Variants in CLCN7 observed in about 807,000 individuals in gnomAD.
The protein encoded by CLCN7 is H(+)/Cl(-) exchange transporter 7.
In CLCN7, 60 loss-of-function variants were observed where a neutral mutation model predicts 102.1. The ratio of observed to expected loss-of-function variants is 0.59; its 90% confidence interval spans 0.48 to 0.73. The LOEUF is 0.73. Among genes scored for constraint, CLCN7 ranks in the 30% least tolerant of loss-of-function variants. The pLI, the probability that CLCN7 is intolerant of heterozygous loss-of-function variation, is 0.00. For missense variants in CLCN7, 962 were observed against 1,125.7 expected (o/e 0.85, Z 2.08); for synonymous variants, 560 against 490.5 (o/e 1.14, Z -1.87).
In CLCN7 at chr16:1,449,282, G is replaced by A. The variant is rs121434432; in HGVS notation, c.1663C>T (p.Gln555Ter). The A allele has an allele frequency of 6.3e-7, 1 of 1,586,166 alleles. No homozygotes were observed. The highest frequency in any genetic ancestry group is 1.3e-5 in the African/African-American group (1 of 74,460). The change falls in exon 18 of 25, where the codon CAG (glutamine) becomes TAG (stop). Residue 555 changes from glutamine to a stop codon, truncating the protein, a stop_gained. Coordinates refer to ENST00000382745, the MANE Select transcript of CLCN7 (RefSeq NM_001287.6). LOFTEE classifies it high-confidence loss of function. Reference sequence around the variant, plus strand: ...GGCAAGAGCTGGGACATACCCAGCTGGGCAGCAGCTCCCATCAGGGCGTAT... The same window carrying A: ...GGCAAGAGCTGGGACATACCCAGCTAGGCAGCAGCTCCCATCAGGGCGTAT... ...GKYALMGAAAQLGGIVRMTLS... is the reference protein window; with the variant it reads ...GKYALMGAAA
rs35436553 is a variant in CLCN7 at position 1,460,706 on chromosome 16, C to T, written c.484+110G>A. 2.3e-5 allele frequency: 35 copies of T among 1,538,876 alleles called. No individual in the cohort carries two copies. In the African/African-American group the frequency reaches 3.5e-4, roughly 16 times the overall value. Reference sequence around the variant, plus strand: ...ATGACAGGGACACAGCCAGCCTGGCCGGGCCGCCTCCACCTGCACTGGAAC... The same window carrying T: ...ATGACAGGGACACAGCCAGCCTGGCTGGGCCGCCTCCACCTGCACTGGAAC... On this transcript the variant is annotated intron_variant, in intron 5 of 24. Coordinates refer to ENST00000382745, the MANE Select transcript of CLCN7 (RefSeq NM_001287.6).
chr16:1,456,939 CAAAT>C (rs1207090527), intron 9 of CLCN7, among the ~76,000 whole-genome samples: 3 of 151,984 alleles, frequency 2.0e-5, no homozygotes, highest in African/African-American at 7.3e-5. Context: ...TGTGTCTTGA[CAAAT>C]AAACAACAGG....
intron 2 of CLCN7, among the ~76,000 whole-genome samples, chr16:1,462,887 G>A (rs766213343): frequency 1.5e-4 from 23 of 152,076 alleles, no homozygotes; most frequent in East Asian, 7.7e-4. Flanking sequence ...TGGGCCGGGC[G>A]CAATGGCTGA....
intron 11 of CLCN7, 97 bp downstream of exon 11, chr16:1,455,634 C>T (rs888715004): frequency 2.1e-5 from 27 of 1,313,232 alleles, no homozygotes; most frequent in Non-Finnish European, 2.9e-5. Flanking sequence ...CCAGCTCCAG[C>T]CGCAGCTCGA....
intron 1 of CLCN7, among the ~76,000 whole-genome samples, chr16:1,471,460 G>A (rs557771972): frequency 1.2e-4 from 18 of 152,142 alleles, no homozygotes; most frequent in South Asian, 8.3e-4. Flanking sequence ...ACTGGGGTGC[G>A]CCTGAGCCTA....
intron 1 of CLCN7, among the ~76,000 whole-genome samples, chr16:1,469,101 G>A (rs970708271): frequency 3.3e-5 from 5 of 151,900 alleles, no homozygotes; most frequent in African/African-American, 1.2e-4. Context: ...AGCTACTCGG[G>A]AGGCTAAGGC....
At chr16:1,456,075 C>A (rs373779983) in intron 10 of CLCN7, 38 bp downstream of exon 10, 2 of 1,473,378 alleles carry the variant, frequency 1.4e-6, no homozygotes, top group South Asian at 1.2e-5. Context: ...ACACACAGGG[C>A]GAGGGCAAAG....
intron 1 of CLCN7, chr16:1,471,601 T>C (rs2039078575): frequency 6.6e-6 from 1 of 152,226 alleles, no homozygotes; most frequent in South Asian, 2.1e-4. Context: ...TTGCTGGTTT[T>C]AACACGACCG....
rs749183291 is a variant in CLCN7, at chr16:1,455,295, C to T, written c.982-45G>A. On this transcript the variant is annotated intron_variant, in intron 11 of 24. Transcript: ENST00000382745. ...ACCAGCGCCCTCAGAGCCACGCTCCCAGCCCAGGGCTCACGGACCAGCAGG... is the reference window on the plus strand; with the variant it reads ...ACCAGCGCCCTCAGAGCCACGCTCCTAGCCCAGGGCTCACGGACCAGCAGG... The T allele has an allele frequency of 5.3e-5, 65 of 1,223,798 alleles. No homozygotes were observed. In the South Asian group the frequency reaches 7.8e-4, roughly 15 times the overall value. The allele number at this position is 1,223,798 out of a possible 1,614,324, so 75.8% of individuals were successfully genotyped here.
At position 1,466,092 on chromosome 16, in the gene CLCN7, G is replaced by A. The variant is rs550911411; in HGVS notation, c.142-754C>T. Among the ~76,000 whole-genome samples the A allele has an allele frequency of 2.0e-5, 3 of 152,362 alleles. No homozygotes were observed. The South Asian group carries it at 6.2e-4, about 32-fold the overall frequency. ...CTCCTGAATCTTTAGCAACATCTGG[G>A]GACATGAAGGGAAGAAGGGCTGCCT... On this transcript the variant is annotated intron_variant, in intron 1 of 24. Transcript: ENST00000382745.
intron 23 of CLCN7, 139 bp from the exon 24 acceptor site, chr16:1,447,225 C>T: frequency 8.7e-7 from 1 of 1,154,776 alleles, no homozygotes. Flanking sequence ...CCAGCCCCCT[C>T]AGCCCCTTGA....
At chr16:1,469,125 G>A (rs35973002) in intron 1 of CLCN7, among the ~76,000 whole-genome samples, 9,930 of 151,796 alleles carry the variant, frequency 0.065, 416 homozygotes, top group Non-Finnish European at 0.095. Flanking sequence ...AGAACTGCTT[G>A]AACCCGGGAG....
rs555958217 is a variant in CLCN7 at position 1,450,373 on chromosome 16, C to T, written c.1617+124G>A. On this transcript the variant is annotated intron_variant, in intron 17 of 24. Coordinates refer to ENST00000382745, the MANE Select transcript of CLCN7 (RefSeq NM_001287.6). Reference sequence around the variant, plus strand: ...GTGAACCACGCGAGGACAACGCCCACGGCCCGTGAACCACGTGAGGTGCGA... The same window carrying T: ...GTGAACCACGCGAGGACAACGCCCATGGCCCGTGAACCACGTGAGGTGCGA... 1.7e-4 allele frequency: 177 copies of T among 1,028,164 alleles called. 1 individual carries two copies. In the South Asian group the frequency reaches 2.2e-3, roughly 13 times the overall value. The allele number at this position is 1,028,164 out of a possible 1,614,324, so 63.7% of individuals were successfully genotyped here.
intron 17 of CLCN7, chr16:1,449,723 G>C (rs1410414392): frequency 7.3e-6 from 2 of 275,528 alleles, no homozygotes; most frequent in Non-Finnish European, 1.4e-5. Context: ...GGGGCACGAG[G>C]GTCGGTGGGC....
intron 15 of CLCN7, chr16:1,452,121 G>T: frequency 3.2e-6 from 1 of 316,318 alleles, no homozygotes; most frequent in East Asian, 7.9e-5. Context: ...CAGCACAGGG[G>T]GTGTTATCCA....
At chr16:1,468,026 T>A (rs1006200820) in intron 1 of CLCN7, among the ~76,000 whole-genome samples, 1 of 151,962 alleles carries the variant, frequency 6.6e-6, no homozygotes, top group Non-Finnish European at 1.5e-5. Context: ...GAGGCTACAG[T>A]GAGCTATGGT....
intron 15 of CLCN7, chr16:1,452,141 A>G: frequency 3.3e-6 from 1 of 301,000 alleles, no homozygotes; most frequent in Non-Finnish European, 6.6e-6. Flanking sequence ...ACGGGGCTGG[A>G]GCAGAGTGTA....
At position 1,474,964 on chromosome 16, in the gene CLCN7, A is replaced by G; in HGVS notation, c.11T>C (p.Val4Ala). Residue 4 changes from valine to alanine, a missense_variant, in exon 1 of 25, where the codon GTC (valine) becomes GCC (alanine). By Grantham distance (64) the Val-to-Ala change is moderately conservative. Transcript: ENST00000382745. MAN[V>A]SKKVSWSGRD... is the part of the protein sequence containing the mutation. Reference sequence around the variant, plus strand: ...GCCGGACCAGGACACCTTCTTAGAGACGTTGGCCATGGCCCGCCGCGGAGC... The same window carrying G: ...GCCGGACCAGGACACCTTCTTAGAGGCGTTGGCCATGGCCCGCCGCGGAGC... 6.7e-7 allele frequency: 1 copy of G among 1,485,798 alleles called. No individual in the cohort carries two copies. Among genetic ancestry groups the G allele is most frequent in the Non-Finnish European group, 8.9e-7 (1 of 1,121,956 alleles). The allele number at this position is 1,485,798 out of a possible 1,614,324, so 92.0% of individuals were successfully genotyped here.
At chr16:1,455,409 G>A (rs1015236923) in intron 11 of CLCN7, 159 bp from the exon 12 acceptor site, 20 of 712,656 alleles carry the variant, frequency 2.8e-5, no homozygotes, top group African/African-American at 1.7e-4. Context: ...AGGGGTGGGC[G>A]CACTGTGCGG....
Sources: gnomAD v4.1 joint callset for allele counts (sites outside exome capture counted in the v4.1 genomes callset) on GRCh38, gnomAD v4.1.1 for gene constraint, MANE v1.5 for transcripts, NCBI Gene and HGNC (gene_info 2026-07-23, HGNC 2026-07-21) for gene names.